Variants in DCP1A observed in about 807,000 individuals in gnomAD.
DCP1A encodes the protein decapping mRNA 1A, also known as mRNA-decapping enzyme 1A.
DCP1A carries 20 observed loss-of-function variants against 58.0 expected under a neutral mutation model. That is an observed-to-expected ratio of 0.34 (90% CI 0.24 to 0.50). The LOEUF (loss-of-function observed/expected upper bound fraction) is 0.50. Among genes scored for constraint, DCP1A ranks in the 20% least tolerant of loss-of-function variants. The probability of loss-of-function intolerance (pLI) is 0.98; values close to 1 mark genes in which losing one functional copy is unlikely to be tolerated. For synonymous variants in DCP1A, 285 were observed against 275.1 expected (o/e 1.04, Z -0.36); for missense variants, 613 against 712.2 (o/e 0.86, Z 1.59).
chr3:53,328,708 G>A (rs1234272055), intron 3 of DCP1A, among the ~76,000 whole-genome samples: 3 of 152,156 alleles, frequency 2.0e-5, no homozygotes, highest in African/African-American at 7.2e-5. Flanking sequence ...CCTACAATGA[G>A]CCAGAAAGCA....
intron 4 of DCP1A, among the ~76,000 whole-genome samples, chr3:53,315,467 G>C (rs868937559): frequency 1.1e-4 from 16 of 150,122 alleles, no homozygotes; most frequent in African/African-American, 3.9e-4. Context: ...GAACCCAGGA[G>C]GGCGGAGGTT....
At chr3:53,337,042 T>C (rs555189707) in intron 3 of DCP1A, among the ~76,000 whole-genome samples, 1 of 152,098 alleles carries the variant, frequency 6.6e-6, no homozygotes, top group East Asian at 1.9e-4. Flanking sequence ...GCTAATTTTT[T>C]TGTATTTTTA....
intron 3 of DCP1A, among the ~76,000 whole-genome samples, chr3:53,327,737 G>A (rs1485938077): frequency 6.6e-6 from 1 of 151,812 alleles, no homozygotes; most frequent in Non-Finnish European, 1.5e-5. Context: ...GTTGCGGTGA[G>A]CTGAGATTGT....
At chr3:53,332,057 C>T (rs1465717939) in intron 3 of DCP1A, among the ~76,000 whole-genome samples, 1 of 152,188 alleles carries the variant, frequency 6.6e-6, no homozygotes, top group Non-Finnish European at 1.5e-5. Context: ...TGCTGCTCAC[C>T]ACCTTGCTGA....
Position 53,346,953 on chromosome 3 carries a change from G to C in DCP1A, c.135+430C>G, listed in dbSNP as rs370620752. Among the ~76,000 whole-genome samples the C allele has an allele frequency of 1.6e-4, 24 of 150,318 alleles. No homozygotes were observed. In the South Asian group the frequency reaches 5.1e-3, roughly 32 times the overall value. ...GCGACAGGGGCTCTCATTTACGTTTGCCAGGGGGAGAGGAGGAGTGTTTAT... is the reference window on the plus strand; with the variant it reads ...GCGACAGGGGCTCTCATTTACGTTTCCCAGGGGGAGAGGAGGAGTGTTTAT... On this transcript the variant is annotated intron_variant, in intron 1 of 9. Transcript: ENST00000610213.
chr3:53,312,190 C>A, intron 5 of DCP1A, 51 bp downstream of exon 5: 1 of 1,512,516 alleles, frequency 6.6e-7, no homozygotes, highest in Admixed American at 2.3e-5. Flanking sequence ...AGACCTCCTC[C>A]TCCCGTTTTG....
At chr3:53,333,909 T>G (rs782584448) in intron 3 of DCP1A, among the ~76,000 whole-genome samples, 1 of 152,058 alleles carries the variant, frequency 6.6e-6, no homozygotes, top group Non-Finnish European at 1.5e-5. Context: ...GCCTGATAAA[T>G]CTCATTCTAT....
At chr3:53,315,536 A>C (rs948407138) in intron 4 of DCP1A, among the ~76,000 whole-genome samples, 199 of 70,996 alleles carry the variant, frequency 2.8e-3, no homozygotes, top group Non-Finnish European at 5.1e-3. Flanking sequence ...CTCTGTCTCA[A>C]AAAAAAAAAA....
At chr3:53,323,861 CAAAAAAAAAAA>C (rs11451581) in intron 3 of DCP1A, among the ~76,000 whole-genome samples, 1 of 72,802 alleles carries the variant, frequency 1.4e-5, no homozygotes, top group Admixed American at 1.6e-4. Flanking sequence ...GACTCTGTCT[CAAAAAAAAAAA>C]AAAAAAAAAA....
At chr3:53,290,560 CTT>C (rs376948811) in intron 8 of DCP1A, 202 of 630,396 alleles carry the variant, frequency 3.2e-4, no homozygotes, top group African/African-American at 3.2e-3. Context: ...ATAGCTAACT[CTT>C]TTCACTAAGC....
At chr3:53,334,132 C>T (rs1335222214) in intron 3 of DCP1A, among the ~76,000 whole-genome samples, 1 of 151,954 alleles carries the variant, frequency 6.6e-6, no homozygotes, top group South Asian at 2.1e-4. Flanking sequence ...GGAGTGGTGG[C>T]GTGCACTTGT....
intron 4 of DCP1A, among the ~76,000 whole-genome samples, chr3:53,314,161 C>T (rs181816777): frequency 2.0e-5 from 3 of 151,942 alleles, no homozygotes; most frequent in Admixed American, 6.6e-5. Context: ...CCCAAAGTGC[C>T]GGGATTATAG....
At chr3:53,343,579 TGAAG>T (rs1559709933) in intron 2 of DCP1A, among the ~76,000 whole-genome samples, 1 of 152,138 alleles carries the variant, frequency 6.6e-6, no homozygotes, top group Non-Finnish European at 1.5e-5. Flanking sequence ...TGAAGAGTAA[TGAAG>T]GGAGTGAGGG....
chr3:53,323,679 T>C (rs1369589105), intron 3 of DCP1A, among the ~76,000 whole-genome samples: 1 of 151,814 alleles, frequency 6.6e-6, no homozygotes. Context: ...CTGGCCAACA[T>C]GGTGAAATCC....
intron 5 of DCP1A, among the ~76,000 whole-genome samples, chr3:53,311,201 G>A (rs1407381632): frequency 6.6e-6 from 1 of 152,200 alleles, no homozygotes; most frequent in Non-Finnish European, 1.5e-5. Flanking sequence ...GGGAAACAGG[G>A]TCTTTTGGAC....
At chr3:53,298,458 C>A (rs997090034) in intron 6 of DCP1A, among the ~76,000 whole-genome samples, 58 of 152,160 alleles carry the variant, frequency 3.8e-4, no homozygotes, top group Admixed American at 2.0e-4. Flanking sequence ...AATAATGAAT[C>A]ATCATACACA....
intron 6 of DCP1A, among the ~76,000 whole-genome samples, chr3:53,301,233 G>T (rs1007591270): frequency 6.6e-6 from 1 of 152,060 alleles, no homozygotes; most frequent in African/African-American, 2.4e-5. Context: ...TGATGTGAAT[G>T]TAAGACTGTA....
intron 4 of DCP1A, among the ~76,000 whole-genome samples, chr3:53,316,597 T>C (rs372145459): frequency 2.8e-3 from 21 of 7,596 alleles, no homozygotes; most frequent in African/African-American, 0.019. Context: ...TCTTCTTCCC[T>C]TTTTTTTTTT....
chr3:53,294,139 G>A (rs1270613652), intron 6 of DCP1A, among the ~76,000 whole-genome samples: 1 of 152,212 alleles, frequency 6.6e-6, no homozygotes, highest in Non-Finnish European at 1.5e-5. Context: ...GAGTATCTGA[G>A]ACACGTTAGA....
Sources: gnomAD v4.1 joint callset for allele counts (sites outside exome capture counted in the v4.1 genomes callset) on GRCh38, gnomAD v4.1.1 for gene constraint, MANE v1.5 for transcripts, NCBI Gene and HGNC (gene_info 2026-07-23, HGNC 2026-07-21) for gene names.